Variants in GALNT16 observed in about 807,000 individuals in gnomAD.
GALNT16 encodes the protein UDP-GalNAc:polypeptide N-acetylgalactosaminyltransferase-like protein 1.
A neutral mutation model predicts 76.1 loss-of-function variants in GALNT16; 40 were observed. That is an observed-to-expected ratio of 0.53 (90% confidence interval 0.41 to 0.68). GALNT16 has a LOEUF of 0.68. Ranked by LOEUF, GALNT16 falls within the 30% of genes least tolerant of loss-of-function variation. The probability of loss-of-function intolerance (pLI) is 0.00; values close to 1 mark genes in which losing one functional copy is unlikely to be tolerated. For synonymous variants in GALNT16, 276 were observed against 285.2 expected (o/e 0.97, Z 0.32); for missense variants, 621 against 731.9 (o/e 0.85, Z 1.75).
rs189478266 is a variant in GALNT16 at position 69,312,917 on chromosome 14, T to C, written c.178-7794T>C. On this transcript the variant is annotated intron_variant, in intron 1 of 14. Transcript: ENST00000448469. ...AGGACATCTGAGCCACAAGCTGGTC[T>C]GAAGGCACACAGAGAAAGCTTTGTG... Among the ~76,000 whole-genome samples the C allele has an allele frequency of 6.2e-4, 94 of 152,310 alleles. 1 individual carries two copies. Among genetic ancestry groups the C allele is most frequent in the Non-Finnish European group, 1.2e-4 (8 of 68,014 alleles).
the GALNT16 span, among the ~76,000 whole-genome samples, chr14:69,373,928 A>G: frequency 3.0e-3 from 455 of 152,150 alleles, 4 homozygotes; most frequent in African/African-American, 0.01. Context: ...CTACAGGTAT[A>G]TGCCACCACA....
In GALNT16 at chr14:69,304,052, C is replaced by T. The variant is rs1369668373; in HGVS notation, c.178-16659C>T. On this transcript the variant is annotated intron_variant, in intron 1 of 14. Transcript: ENST00000448469. ...AAGGAGTCTTCCATCACTTTTTTTC[C>T]GGGCTCTTTTTGGGGGTGGGGGTGA... Among the ~76,000 whole-genome samples the T allele has an allele frequency of 3.3e-5, 5 of 151,860 alleles. No individual in the cohort carries two copies. The East Asian group carries it at 5.8e-4, about 18-fold the overall frequency.
At chr14:69,276,382 T>A (rs1177871944) in intron 1 of GALNT16, among the ~76,000 whole-genome samples, 1 of 152,212 alleles carries the variant, frequency 6.6e-6, no homozygotes, top group South Asian at 2.1e-4. Flanking sequence ...TCAGTTTTTT[T>A]ATAAGAAAGA....
rs2045487947 is a variant in GALNT16 at position 69,341,678 on chromosome 14, C to T, written c.1188-3C>T. 3 of 1,606,842 alleles carry T rather than the reference C, an allele frequency of 1.9e-6. No individual in the cohort carries two copies. Among genetic ancestry groups the T allele is most frequent in the African/African-American group, 1.3e-5 (1 of 74,706 alleles). On this transcript the variant is annotated splice_region_variant and splice_polypyrimidine_tract_variant and intron_variant, in intron 11 of 14. Coordinates refer to ENST00000448469, the MANE Select transcript of GALNT16 (RefSeq NM_001168368.2). Reference sequence around the variant, plus strand: ...AAAGCCCAAGCCCTGCCTCCTCCTACAGTGTGGCTACGCGGATAGAGCAGA... The same window carrying T: ...AAAGCCCAAGCCCTGCCTCCTCCTATAGTGTGGCTACGCGGATAGAGCAGA...
At chr14:69,356,554 C>CTTTTTTTTTTTTTTTTTTTTTTTTTTTTT (rs763230954), downstream of GALNT16, 22 of 117,334 alleles carry the variant, frequency 1.9e-4, 3 homozygotes, top group African/African-American at 3.1e-4. Flanking sequence ...GCTGTGAGCT[C>CTTTTTTTTTTTTTTTTTTTTTTTTTTTTT]TTTTTTTTTT....
Position 69,320,781 on chromosome 14 carries a change from A to G in GALNT16, c.248A>G (p.Glu83Gly). 6.2e-7 allele frequency: 1 copy of G among 1,614,180 alleles called. No individual in the cohort carries two copies. The highest frequency in any genetic ancestry group is 8.5e-7 in the Non-Finnish European group (1 of 1,180,016). ...TCGGCCAAGCAGCTGAAGGCTGGAG[A>G]GGACCCCTACAGACAGCACGCCTTC... Reference protein sequence around the residue: ...YLSAKQLKAGEDPYRQHAFNQ... With the variant: ...YLSAKQLKAGGDPYRQHAFNQ... The change falls in exon 2 of 15, where the codon GAG (glutamate) becomes GGG (glycine). Residue 83 changes from glutamate to glycine, a missense_variant. Coordinates refer to ENST00000448469, the MANE Select transcript of GALNT16 (RefSeq NM_001168368.2).
Position 69,305,355 on chromosome 14 carries a change from G to T in GALNT16, c.178-15356G>T, listed in dbSNP as rs1217069434. Among the ~76,000 whole-genome samples the T allele has an allele frequency of 3.3e-5, 5 of 152,108 alleles. No individual in the cohort carries two copies. The East Asian group carries it at 5.8e-4, about 18-fold the overall frequency. On this transcript the variant is annotated intron_variant, in intron 1 of 14. Transcript: ENST00000448469. ...ATTTTGTATTTTGTGTAGAGACAGG[G>T]TTTCATTGTGTTGGCCAGGCTGGTC...
chr14:69,323,292 T>C (rs1310696382), intron 2 of GALNT16, among the ~76,000 whole-genome samples: 1 of 152,114 alleles, frequency 6.6e-6, no homozygotes, highest in Non-Finnish European at 1.5e-5. Context: ...CTTTAGAGGC[T>C]CCTGGCTCCT....
At chr14:69,362,152 C>T in the GALNT16 span, among the ~76,000 whole-genome samples, 10 of 152,226 alleles carry the variant, frequency 6.6e-5, no homozygotes, top group East Asian at 1.9e-4. Flanking sequence ...CTCTGGGGCT[C>T]GGGAGGGTGA....
chr14:69,330,512 C>G (rs984367924), intron 6 of GALNT16, among the ~76,000 whole-genome samples: 3 of 152,160 alleles, frequency 2.0e-5, no homozygotes, highest in African/African-American at 7.2e-5. Context: ...GATTTTATAT[C>G]TCAGCACAAA....
At position 69,352,277 on chromosome 14, in the gene GALNT16, A is replaced by G; in HGVS notation, c.*109A>G. The G allele has an allele frequency of 9.9e-7, 1 of 1,006,436 alleles. No homozygotes were observed. The highest frequency in any genetic ancestry group is 1.7e-5 in the South Asian group (1 of 58,968). 62.3% of individuals were successfully genotyped at this position (1,006,436 alleles called of 1,614,324 possible). On this transcript the variant is annotated 3_prime_UTR_variant, in exon 15 of 15. Transcript: ENST00000448469. ...GTTCCCATCTCCTCACATTTCTGCC[A>G]GGACCATCAGCAAATACCCACCATG...
At chr14:69,265,969 T>C (rs1417397261) in intron 1 of GALNT16, among the ~76,000 whole-genome samples, 1 of 152,218 alleles carries the variant, frequency 6.6e-6, no homozygotes, top group Non-Finnish European at 1.5e-5. Flanking sequence ...CAGGCTTACC[T>C]CTCTGAATCC....
chr14:69,331,678 A>C, intron 7 of GALNT16, 127 bp downstream of exon 7: 1 of 676,472 alleles, frequency 1.5e-6, no homozygotes, highest in Non-Finnish European at 2.7e-6. Context: ...CCCTTCCACC[A>C]CCTCCAAAGA....
intron 13 of GALNT16, among the ~76,000 whole-genome samples, chr14:69,347,422 G>A (rs1324053988): frequency 6.6e-6 from 1 of 152,176 alleles, no homozygotes; most frequent in Non-Finnish European, 1.5e-5. Context: ...CCCAGATAGT[G>A]CCCAGTTGTC....
chr14:69,283,178 T>C (rs948072408), intron 1 of GALNT16, among the ~76,000 whole-genome samples: 1 of 152,124 alleles, frequency 6.6e-6, no homozygotes, highest in Non-Finnish European at 1.5e-5. Flanking sequence ...ATGAGCATGA[T>C]TAAGGTCACA....
At chr14:69,373,758 TTC>T in the GALNT16 span, among the ~76,000 whole-genome samples, 474 of 152,132 alleles carry the variant, frequency 3.1e-3, 3 homozygotes, top group African/African-American at 0.011. Flanking sequence ...GTTCTTTTCT[TTC>T]TCTCTCTCTT....
At chr14:69,277,310 T>C (rs1403475195) in intron 1 of GALNT16, among the ~76,000 whole-genome samples, 1 of 152,204 alleles carries the variant, frequency 6.6e-6, no homozygotes, top group East Asian at 1.9e-4. Context: ...GCCATGTTGG[T>C]GTGCTGCACC....
chr14:69,285,613 C>T (rs1430605126), intron 1 of GALNT16, among the ~76,000 whole-genome samples: 3 of 152,164 alleles, frequency 2.0e-5, no homozygotes, highest in African/African-American at 7.2e-5. Context: ...AATGTACCAT[C>T]GTCTACATTT....
the GALNT16 span, among the ~76,000 whole-genome samples, chr14:69,363,526 T>C: frequency 6.6e-6 from 1 of 152,256 alleles, no homozygotes; most frequent in Middle Eastern, 3.4e-3. Flanking sequence ...GCTGTGAGAT[T>C]TAAATAACAT....
Sources: gnomAD v4.1 joint callset for allele counts (sites outside exome capture counted in the v4.1 genomes callset) on GRCh38, gnomAD v4.1.1 for gene constraint, MANE v1.5 for transcripts, NCBI Gene and HGNC (gene_info 2026-07-23, HGNC 2026-07-21) for gene names.